Variants in PIK3CA observed in about 807,000 individuals in gnomAD.
PIK3CA encodes the protein phosphatidylinositol-4,5-bisphosphate 3-kinase catalytic subunit alpha.
PIK3CA carries 27 observed loss-of-function variants against 138.2 expected under a neutral mutation model. That is an observed-to-expected ratio of 0.20 (90% confidence interval 0.14 to 0.27). PIK3CA has a LOEUF of 0.27. PIK3CA is among the 10% of genes least tolerant of loss of function. PIK3CA has a pLI of 1.00. For synonymous variants in PIK3CA, 358 were observed against 413.2 expected (o/e 0.87, Z 1.62); for missense variants, 544 against 1,277.4 (o/e 0.43, Z 8.75).
At chr3:179,184,000 TAGA>T (rs10576446) in intron 1 of PIK3CA, among the ~76,000 whole-genome samples, 8,901 of 152,314 alleles carry the variant, frequency 0.058, 324 homozygotes, top group African/African-American at 0.1. Flanking sequence ...GTATTTTTGG[TAGA>T]AGATTATTGG....
intron 1 of PIK3CA, among the ~76,000 whole-genome samples, chr3:179,165,310 A>G (rs1201427204): frequency 1.3e-5 from 2 of 152,230 alleles, no homozygotes; most frequent in Non-Finnish European, 2.9e-5. Flanking sequence ...AAGATCACCC[A>G]GGAGACTTGA....
rs148577238 is a variant in PIK3CA, at chr3:179,220,627, G to A, written c.2016-359G>A. Reference sequence around the variant, plus strand: ...TAAGTTGAAAACAAGAAGCATAGGCGTGTGTCAGAAGAGTCAAACAGCATT... The same window carrying A: ...TAAGTTGAAAACAAGAAGCATAGGCATGTGTCAGAAGAGTCAAACAGCATT... On this transcript the variant is annotated intron_variant, in intron 13 of 20. Coordinates refer to ENST00000263967, the MANE Select transcript of PIK3CA (RefSeq NM_006218.4). The surrounding 1 kb of genome is among the most constrained non-coding windows in gnomAD (Gnocchi z 4.1). 2.9e-3 allele frequency among the ~76,000 whole-genome samples: 444 copies of A among 152,220 alleles called. 1 individual carries two copies. The highest frequency in any genetic ancestry group is 4.9e-3 in the Non-Finnish European group (333 of 67,998).
intron 9 of PIK3CA, among the ~76,000 whole-genome samples, chr3:179,211,615 C>T (rs539105751): frequency 4.6e-5 from 7 of 152,018 alleles, no homozygotes; most frequent in African/African-American, 7.3e-5. Context: ...TGCAGTGAGC[C>T]GAGGTCACGC....
chr3:179,155,307 G>A (rs1422078890), intron 1 of PIK3CA, among the ~76,000 whole-genome samples: 1 of 152,130 alleles, frequency 6.6e-6, no homozygotes, highest in Non-Finnish European at 1.5e-5. Flanking sequence ...TTGTGACATA[G>A]AATCATATTT....
chr3:179,179,077 A>G (rs1453121476), intron 1 of PIK3CA, among the ~76,000 whole-genome samples: 1 of 152,228 alleles, frequency 6.6e-6, no homozygotes, highest in African/African-American at 2.4e-5. Flanking sequence ...CCTAAAATCC[A>G]AGATCCAAGT....
chr3:179,157,773 T>C (rs554599988), intron 1 of PIK3CA, among the ~76,000 whole-genome samples: 23 of 152,246 alleles, frequency 1.5e-4, no homozygotes, highest in South Asian at 1.0e-3. Flanking sequence ...TTCCTAAATA[T>C]ATCTCATAAT....
In PIK3CA at chr3:179,224,716, A is replaced by G; in HGVS notation, c.2311A>G (p.Ile771Val). 1 of 1,607,828 alleles carries G rather than the reference A, an allele frequency of 6.2e-7. No individual in the cohort carries two copies. The highest frequency in any genetic ancestry group is 8.5e-7 in the Non-Finnish European group (1 of 1,175,054). ...ATTTTAAAGGCTTGAAGAGTGTCGA[A>G]TTATGTCCTCTGCAAAAAGGCCACT... ...LGNLRLEECR[I>V]MSSAKRPLWL... Residue 771 changes from isoleucine to valine, a missense_variant, in exon 16 of 21, where the codon ATT becomes GTT. By Grantham distance (29) the Ile-to-Val change is conservative (BLOSUM62 3). Coordinates refer to ENST00000263967, the MANE Select transcript of PIK3CA (RefSeq NM_006218.4).
chr3:179,239,126 C>T lies in PIK3CA; in HGVS notation c.*4762C>T, dbSNP rs959633617. On this transcript the variant is annotated 3_prime_UTR_variant, in exon 21 of 21. Transcript: ENST00000263967. ...AAAAAATTAGTCCCTTGTGCGTATA[C>T]AGTAGTTAGGTAAATGATTTTTCTA... 1 of 214,210 alleles carries T rather than the reference C, an allele frequency of 4.7e-6. No homozygotes were observed. Among genetic ancestry groups the T allele is most frequent in the East Asian group, 6.9e-5 (1 of 14,390 alleles). 13.3% of individuals were successfully genotyped at this position (214,210 alleles called of 1,614,324 possible). A position where few individuals can be genotyped will look rare whatever the true frequency, so the allele number is the denominator to read the frequency against.
intron 1 of PIK3CA, among the ~76,000 whole-genome samples, chr3:179,152,274 T>G (rs1365364200): frequency 6.6e-6 from 1 of 152,204 alleles, no homozygotes; most frequent in African/African-American, 2.4e-5. Flanking sequence ...AAAATGAAGA[T>G]TATTATCATA....
chr3:179,200,527 T>C (rs1454246869), intron 3 of PIK3CA, among the ~76,000 whole-genome samples: 1 of 152,142 alleles, frequency 6.6e-6, no homozygotes, highest in African/African-American at 2.4e-5. Context: ...TATCAAATTC[T>C]GTTAGTAGAA....
intron 1 of PIK3CA, among the ~76,000 whole-genome samples, chr3:179,150,612 A>G (rs1299353664): frequency 6.6e-6 from 1 of 152,198 alleles, no homozygotes; most frequent in African/African-American, 2.4e-5. Flanking sequence ...ATGGGCCTTG[A>G]TATATTTAAA....
intron 6 of PIK3CA, among the ~76,000 whole-genome samples, chr3:179,206,003 C>T (rs368500829): frequency 1.3e-5 from 2 of 152,030 alleles, no homozygotes; most frequent in Admixed American, 1.3e-4. Context: ...AAGATAGTTC[C>T]TCAGCCTACC....
At chr3:179,196,304 T>C (rs1411769723) in intron 1 of PIK3CA, among the ~76,000 whole-genome samples, 2 of 152,222 alleles carry the variant, frequency 1.3e-5, no homozygotes, top group Non-Finnish European at 2.9e-5. Context: ...TTTGGTTTTG[T>C]TTTCATTTGA....
intron 1 of PIK3CA, among the ~76,000 whole-genome samples, chr3:179,166,083 G>A (rs776434545): frequency 1.6e-4 from 25 of 151,994 alleles, no homozygotes; most frequent in Non-Finnish European, 3.4e-4. Flanking sequence ...TAATCTTAGA[G>A]TAAAAGCCTG....
At chr3:179,166,067 T>C (rs1553814973) in intron 1 of PIK3CA, among the ~76,000 whole-genome samples, 2 of 152,160 alleles carry the variant, frequency 1.3e-5, no homozygotes, top group Non-Finnish European at 1.5e-5. Flanking sequence ...TTTTAGATCT[T>C]TTATTTAATC....
At chr3:179,209,745 C>A in intron 7 of PIK3CA, 45 bp downstream of exon 7, 1 of 1,027,572 alleles carries the variant, frequency 9.7e-7, no homozygotes, top group Non-Finnish European at 1.5e-6. Flanking sequence ...TTTAAAAACT[C>A]CTGATTATAC....
chr3:179,189,720 A>G (rs2108377831), intron 1 of PIK3CA, among the ~76,000 whole-genome samples: 1 of 152,338 alleles, frequency 6.6e-6, no homozygotes, highest in Middle Eastern at 3.4e-3. Flanking sequence ...CACTGTAAAT[A>G]TGAATTTGAT....
chr3:179,212,270 A>T (rs1308673229), intron 9 of PIK3CA, among the ~76,000 whole-genome samples: 7 of 146,982 alleles, frequency 4.8e-5, no homozygotes, highest in African/African-American at 1.7e-4. Flanking sequence ...GGCCTCCCAA[A>T]GTGCTGGGAT....
At chr3:179,200,970 A>G (rs1724395157) in intron 3 of PIK3CA, among the ~76,000 whole-genome samples, 1 of 152,172 alleles carries the variant, frequency 6.6e-6, no homozygotes, top group African/African-American at 2.4e-5. Context: ...TGAGACCATC[A>G]TGAATCACTA....
Sources: gnomAD v4.1 joint callset for allele counts (sites outside exome capture counted in the v4.1 genomes callset) on GRCh38, gnomAD v4.1.1 for gene constraint, Gnocchi (gnomAD v3.1) non-coding constraint, MANE v1.5 for transcripts, NCBI Gene and HGNC (gene_info 2026-07-23, HGNC 2026-07-21) for gene names.